The following METAP1 variants were observed in gnomAD, a reference collection of about 807,000 sequenced individuals.
The protein encoded by METAP1 is methionyl aminopeptidase 1.
METAP1 carries 28 observed loss-of-function variants against 53.8 expected under a neutral mutation model. The ratio of observed to expected loss-of-function variants is 0.52; its 90% confidence interval spans 0.39 to 0.71. The LOEUF (loss-of-function observed/expected upper bound fraction) is 0.71, where lower values mean the gene tolerates loss of function less well. Among genes scored for constraint, METAP1 ranks in the 30% least tolerant of loss-of-function variants. The pLI is 0.00. For synonymous variants in METAP1, 181 were observed against 165.7 expected, an observed-to-expected ratio of 1.09 and a Z score of -0.71; for missense variants, 389 against 479.8, an observed-to-expected ratio of 0.81 and a Z score of 1.77.
chr4:99,039,281 A>G (rs907415933), intron 4 of METAP1, 93 bp from the exon 5 acceptor site: 9 of 689,134 alleles, frequency 1.3e-5, no homozygotes, highest in African/African-American at 1.3e-4. Context: ...AAACAGTGAG[A>G]CTACTGTTTT....
chr4:99,007,226 G>A (rs1205324690), intron 1 of METAP1, among the ~76,000 whole-genome samples: 1 of 152,038 alleles, frequency 6.6e-6, no homozygotes, highest in Non-Finnish European at 1.5e-5. Flanking sequence ...CAAAGTACTG[G>A]GATTACAGGT....
Position 99,045,218 on chromosome 4 carries a change from T to G in METAP1, c.695T>G (p.Leu232Arg), listed in dbSNP as rs1252893000. The change falls in exon 8 of 11, where the codon CTG (leucine) becomes CGG (arginine). Residue 232 changes from leucine to arginine, a missense_variant. Coordinates refer to ENST00000296411, the MANE Select transcript of METAP1 (RefSeq NM_015143.3). ...TATCGCAATGGTTATCATGGGGACC[T>G]GAATGAGACATTTTTTGTTGGAGAA... ...TLYRNGYHGD[L>R]NETFFVGEVD... 6.2e-7 allele frequency: 1 copy of G among 1,613,686 alleles called. No individual in the cohort carries two copies. The highest frequency in any genetic ancestry group is 1.1e-5 in the South Asian group (1 of 91,032).
chr4:98,998,898 C>T (rs903631856), intron 1 of METAP1, among the ~76,000 whole-genome samples: 11 of 152,106 alleles, frequency 7.2e-5, no homozygotes, highest in Admixed American at 5.9e-4. Context: ...GCAACCTCCG[C>T]CTCCCAGGTT....
intron 10 of METAP1, among the ~76,000 whole-genome samples, chr4:99,058,680 G>T (rs1287448266): frequency 1.3e-5 from 2 of 152,144 alleles, no homozygotes; most frequent in Non-Finnish European, 2.9e-5. Flanking sequence ...CCCAGTCTTG[G>T]GAGTGACTTC....
chr4:99,045,602 A>T (rs1242070352), intron 8 of METAP1, among the ~76,000 whole-genome samples: 1 of 152,114 alleles, frequency 6.6e-6, no homozygotes, highest in African/African-American at 2.4e-5. Context: ...CTTTTATTCT[A>T]TTTTTAAAAT....
At chr4:99,038,169 TTATG>T (rs1394535114) in intron 4 of METAP1, among the ~76,000 whole-genome samples, 1 of 152,030 alleles carries the variant, frequency 6.6e-6, no homozygotes, top group Non-Finnish European at 1.5e-5. Context: ...GAATTTGTAT[TTATG>T]GTCATTTACC....
At chr4:99,003,874 T>C (rs1467025243) in intron 1 of METAP1, among the ~76,000 whole-genome samples, 1 of 152,114 alleles carries the variant, frequency 6.6e-6, no homozygotes, top group Non-Finnish European at 1.5e-5. Flanking sequence ...TGACTGGATA[T>C]AGTGTCAGAT....
chr4:99,023,309 T>C (rs1451882347), intron 1 of METAP1: 2 of 662,058 alleles, frequency 3.0e-6, no homozygotes, highest in African/African-American at 3.9e-5. Context: ...TGCTCGTTTG[T>C]CAGATTATTT....
At chr4:99,034,115 C>T (rs1431487501) in intron 2 of METAP1, 115 bp from the exon 3 acceptor site, 8 of 655,842 alleles carry the variant, frequency 1.2e-5, no homozygotes, top group Non-Finnish European at 2.1e-5. Context: ...GACTTGTTGG[C>T]TTGGTTTTAA....
intron 1 of METAP1, among the ~76,000 whole-genome samples, chr4:99,010,712 A>G (rs549019046): frequency 2.6e-4 from 39 of 152,196 alleles, no homozygotes; most frequent in Non-Finnish European, 4.3e-4. Flanking sequence ...AAAATATGCC[A>G]TTGGGATTTG....
intron 9 of METAP1, among the ~76,000 whole-genome samples, chr4:99,055,042 A>G (rs571027724): frequency 6.6e-6 from 1 of 152,234 alleles, no homozygotes; most frequent in South Asian, 2.1e-4. Flanking sequence ...GAAAAATGAC[A>G]TTGTTAGACT....
At chr4:99,039,585 CTT>C (rs372906038) in intron 5 of METAP1, 120 bp downstream of exon 5, 7,626 of 424,396 alleles carry the variant, frequency 0.018, no homozygotes, top group South Asian at 0.022. Context: ...ACCAGCCATG[CTT>C]TTTTTTTTTT....
intron 5 of METAP1, among the ~76,000 whole-genome samples, chr4:99,039,890 C>A (rs895149236): frequency 2.6e-5 from 4 of 151,788 alleles, no homozygotes; most frequent in African/African-American, 9.7e-5. Context: ...CCACACCTGG[C>A]CTTTTTTTGT....
chr4:99,018,200 AG>A (rs1365725531), intron 1 of METAP1, among the ~76,000 whole-genome samples: 145 of 152,352 alleles, frequency 9.5e-4, no homozygotes, highest in African/African-American at 3.4e-3. Context: ...CGACCTGTTC[AG>A]GTCCTATTCT....
intron 1 of METAP1, chr4:99,005,766 C>T: frequency 2.3e-6 from 1 of 430,440 alleles, no homozygotes; most frequent in South Asian, 1.7e-5. Flanking sequence ...ATATCTTTTG[C>T]AGCAACGTGG....
At position 99,061,395 on chromosome 4, in the gene METAP1, C is replaced by G; in HGVS notation, c.*78C>G. The G allele has an allele frequency of 2.2e-6, 3 of 1,336,840 alleles. No individual in the cohort carries two copies. The highest frequency in any genetic ancestry group is 1.5e-5 in the African/African-American group (1 of 66,816). 82.8% of individuals were successfully genotyped at this position (1,336,840 alleles called of 1,614,324 possible). A position where few individuals can be genotyped will look rare whatever the true frequency, so the allele number is the denominator to read the frequency against. ...TTGAGAGTACAGAAAGGAAGAGGAA[C>G]CTTTTTTTAATCACTTGTTTTGTTT... On this transcript the variant is annotated 3_prime_UTR_variant, in exon 11 of 11. Coordinates refer to ENST00000296411, the MANE Select transcript of METAP1 (RefSeq NM_015143.3).
intron 8 of METAP1, among the ~76,000 whole-genome samples, chr4:99,047,754 C>T (rs1420406446): frequency 6.6e-6 from 1 of 152,076 alleles, no homozygotes; most frequent in Non-Finnish European, 1.5e-5. Flanking sequence ...CTGACAGTGC[C>T]CAGCTCCTGG....
At chr4:99,000,941 C>G (rs372489662) in intron 1 of METAP1, among the ~76,000 whole-genome samples, 23 of 152,196 alleles carry the variant, frequency 1.5e-4, no homozygotes, top group African/African-American at 5.1e-4. Context: ...CTGAGTTCCA[C>G]TTTGCCTCAG....
intron 2 of METAP1, among the ~76,000 whole-genome samples, chr4:99,032,611 CCTT>C (rs1334079613): frequency 6.6e-6 from 1 of 152,166 alleles, no homozygotes; most frequent in East Asian, 1.9e-4. Flanking sequence ...TACACCCTCA[CCTT>C]CTCCTGTTCT....
Sources: allele counts gnomAD v4.1 joint callset (sites outside exome capture counted in the v4.1 genomes callset), GRCh38; gene constraint gnomAD v4.1.1; transcripts MANE v1.5; gene names NCBI Gene and HGNC (gene_info 2026-07-23, HGNC 2026-07-21).